The following CCDC18 variants were observed in gnomAD, a reference collection of about 807,000 sequenced individuals.
CCDC18 encodes coiled-coil domain-containing protein 18.
In CCDC18, 157 loss-of-function variants were observed where a neutral mutation model predicts 196.0. The observed-to-expected ratio is 0.80, with a 90% CI of 0.70 to 0.91. The LOEUF (loss-of-function observed/expected upper bound fraction) is 0.91, where lower values mean the gene tolerates loss of function less well. CCDC18 is among the 40% of genes least tolerant of loss of function. The probability of loss-of-function intolerance (pLI) is 0.00; values close to 1 mark genes in which losing one functional copy is unlikely to be tolerated. For missense variants in CCDC18, 1,465 were observed against 1,611.6 expected (o/e 0.91, Z 1.56); for synonymous variants, 482 against 529.2 (o/e 0.91, Z 1.22).
At chr1:93,202,339 A>G (rs140007542) in intron 7 of CCDC18, among the ~76,000 whole-genome samples, 7 of 152,334 alleles carry the variant, frequency 4.6e-5, no homozygotes, top group East Asian at 1.9e-4. Flanking sequence ...GTAGCTTTCA[A>G]CTGGTCTCCC....
At chr1:93,208,899 C>T (rs1655160349) in intron 9 of CCDC18, among the ~76,000 whole-genome samples, 1 of 151,750 alleles carries the variant, frequency 6.6e-6, no homozygotes, top group Non-Finnish European at 1.5e-5. Context: ...CTTTTGAATT[C>T]GTGATCCCCC....
Position 93,239,913 on chromosome 1 carries a change from G to T in CCDC18, c.2981+17G>T. ...TGAACTTAGGTGAGTTAAATAATAAGAAATTATATCACAGTTATAAGTCCT... is the reference window on the plus strand; with the variant it reads ...TGAACTTAGGTGAGTTAAATAATAATAAATTATATCACAGTTATAAGTCCT... On this transcript the variant is annotated intron_variant, in intron 21 of 28. Transcript: ENST00000690025. 5 of 1,438,512 alleles carry T rather than the reference G, an allele frequency of 3.5e-6. No homozygotes were observed. The South Asian group carries it at 3.5e-5, about 10-fold the overall frequency. The allele number at this position is 1,438,512 out of a possible 1,614,324, so 89.1% of individuals were successfully genotyped here.
At chr1:93,269,461 TAAA>T (rs35716144) in intron 27 of CCDC18, among the ~76,000 whole-genome samples, 3 of 126,560 alleles carry the variant, frequency 2.4e-5, no homozygotes, top group Non-Finnish European at 3.4e-5. Context: ...GATGAAGTAG[TAAA>T]AAAAAAAAAA....
intron 6 of CCDC18, among the ~76,000 whole-genome samples, chr1:93,199,526 G>T (rs1653441866): frequency 6.6e-6 from 1 of 152,224 alleles, no homozygotes; most frequent in Admixed American, 6.5e-5. Context: ...CTCCCCTGAA[G>T]GGCTGTAGCT....
chr1:93,256,437 A>G lies in CCDC18; in HGVS notation c.3445A>G (p.Thr1149Ala), dbSNP rs749078626. ...LTREQVQNSHTELAEARHQQV... is the reference protein window; with the variant it reads ...LTREQVQNSHAELAEARHQQV... ...CCGGGAGCAGGTGCAGAACTCTCATACAGAATTGGCAGAGGCTCGTCATCA... is the reference window on the plus strand; with the variant it reads ...CCGGGAGCAGGTGCAGAACTCTCATGCAGAATTGGCAGAGGCTCGTCATCA... Residue 1149 changes from threonine (T) to alanine (A), a missense_variant, in exon 25 of 29, where the codon ACA becomes GCA. Physicochemically the swap from Thr to Ala is moderately conservative, Grantham distance 58 (BLOSUM62 0). Coordinates refer to ENST00000690025, the MANE Select transcript of CCDC18 (RefSeq NM_001378204.1). 3 of 1,614,148 alleles carry G rather than the reference A, an allele frequency of 1.9e-6. No homozygotes were observed. The highest frequency in any genetic ancestry group is 3.3e-5 in the Admixed American group (2 of 60,022).
At chr1:93,248,155 C>A (rs1001441952) in intron 23 of CCDC18, among the ~76,000 whole-genome samples, 2 of 151,732 alleles carry the variant, frequency 1.3e-5, no homozygotes, top group Non-Finnish European at 2.9e-5. Flanking sequence ...GCTGGGATTA[C>A]AGGTGCCCAC....
In CCDC18 at chr1:93,183,496, G is replaced by A. The variant is rs767276196; in HGVS notation, c.134+1G>A. 3 of 1,578,312 alleles carry A rather than the reference G, an allele frequency of 1.9e-6. No homozygotes were observed. The highest frequency in any genetic ancestry group is 1.7e-4 in the Middle Eastern group (1 of 5,930). Reference sequence around the variant, plus strand: ...AGAGTTTAGGGGAAGAGTTATCCAGGTAAGTAAGTAAAATCACATATAGAA... The same window carrying A: ...AGAGTTTAGGGGAAGAGTTATCCAGATAAGTAAGTAAAATCACATATAGAA... On this transcript the variant is annotated splice_donor_variant, in intron 2 of 28. Transcript: ENST00000690025. LOFTEE classifies it high-confidence loss of function.
At chr1:93,276,026 C>T (rs1348615045) in intron 28 of CCDC18, among the ~76,000 whole-genome samples, 1 of 152,204 alleles carries the variant, frequency 6.6e-6, no homozygotes, top group Non-Finnish European at 1.5e-5. Context: ...GTCTAAAGGA[C>T]TCTTAAGCAA....
intron 14 of CCDC18, among the ~76,000 whole-genome samples, chr1:93,220,851 G>C (rs909550002): frequency 2.0e-5 from 3 of 152,050 alleles, no homozygotes; most frequent in African/African-American, 7.2e-5. Flanking sequence ...TCATCATTCA[G>C]CTCCCACTTA....
chr1:93,179,976 AGTTTCTAAACGG>A, upstream of CCDC18: 1 of 1,440,652 alleles, frequency 6.9e-7, no homozygotes, highest in Non-Finnish European at 9.4e-7. Context: ...GTCCACCAGA[AGTTTCTAAACGG>A]GTGAGAGGCG....
intron 11 of CCDC18, among the ~76,000 whole-genome samples, chr1:93,214,064 A>G (rs943087082): frequency 3.3e-5 from 5 of 152,162 alleles, no homozygotes; most frequent in Admixed American, 1.3e-4. Context: ...ATAGTGGAGA[A>G]GGGGCATGGT....
intron 14 of CCDC18, among the ~76,000 whole-genome samples, chr1:93,218,548 C>T (rs746977341): frequency 4.0e-5 from 6 of 150,822 alleles, no homozygotes; most frequent in Non-Finnish European, 7.4e-5. Flanking sequence ...CTCGCTCTGT[C>T]GGCCAGGCTG....
chr1:93,248,560 T>C (rs543209518), intron 23 of CCDC18, among the ~76,000 whole-genome samples: 8 of 152,266 alleles, frequency 5.3e-5, no homozygotes, highest in Non-Finnish European at 8.8e-5. Flanking sequence ...TTGAATTCAG[T>C]TGATAGTATT....
At chr1:93,182,324 G>C in intron 1 of CCDC18, among the ~76,000 whole-genome samples, 1 of 152,208 alleles carries the variant, frequency 6.6e-6, no homozygotes, top group Non-Finnish European at 1.5e-5. Context: ...GATGAGGGAA[G>C]GAAGGACAGT....
intron 21 of CCDC18, among the ~76,000 whole-genome samples, chr1:93,245,154 A>C (rs1347593544): frequency 6.6e-6 from 1 of 152,226 alleles, no homozygotes; most frequent in Non-Finnish European, 1.5e-5. Flanking sequence ...AACATCCAGT[A>C]AATATTTGCA....
At chr1:93,202,528 T>TA (rs1177251340) in intron 7 of CCDC18, among the ~76,000 whole-genome samples, 1 of 152,180 alleles carries the variant, frequency 6.6e-6, no homozygotes, top group Non-Finnish European at 1.5e-5. Flanking sequence ...GATATTCAGA[T>TA]ATTGAGCTCA....
chr1:93,256,531 A>G lies in CCDC18; in HGVS notation c.3539A>G (p.Lys1180Arg). Residue 1180 changes from lysine to arginine, a missense_variant, in exon 25 of 29, where the codon AAA (lysine) becomes AGA (arginine). Physicochemically the swap from Lys to Arg is conservative, Grantham distance 26 (BLOSUM62 2). Coordinates refer to ENST00000690025, the MANE Select transcript of CCDC18 (RefSeq NM_001378204.1). ...CTGGAGGATATGAAGCAACTCTCTA[A>G]AGAGAAAGTAATCCCTATTTTAAAT... Reference protein sequence around the residue: ...SELEDMKQLSKEKDAHGNHLA... With the variant: ...SELEDMKQLSREKDAHGNHLA... 6.2e-7 allele frequency: 1 copy of G among 1,608,994 alleles called. No individual in the cohort carries two copies. Among genetic ancestry groups the G allele is most frequent in the Non-Finnish European group, 8.5e-7 (1 of 1,175,700 alleles).
chr1:93,204,051 G>A (rs996566600), intron 7 of CCDC18, among the ~76,000 whole-genome samples: 2 of 152,096 alleles, frequency 1.3e-5, no homozygotes, highest in Non-Finnish European at 2.9e-5. Context: ...GTGGTGGGTT[G>A]GGAGAGGCAG....
rs573554339 is a variant in CCDC18 at position 93,268,986 on chromosome 1, T to C, written c.3886-1361T>C. On this transcript the variant is annotated intron_variant, in intron 27 of 28. Transcript: ENST00000690025. ...AAAGACACATGCACATGTATGTTTA[T>C]TGCGGCACTATTCACAATAGGAAAG... Among the ~76,000 whole-genome samples the C allele has an allele frequency of 7.1e-4, 108 of 152,262 alleles. 1 individual carries two copies. Among genetic ancestry groups the C allele is most frequent in the Middle Eastern group, 6.8e-3 (2 of 294 alleles).
Sources: allele counts gnomAD v4.1 joint callset (sites outside exome capture counted in the v4.1 genomes callset), GRCh38; gene constraint gnomAD v4.1.1; transcripts MANE v1.5; gene names NCBI Gene and HGNC (gene_info 2026-07-23, HGNC 2026-07-21).